ERBIN: variants seen among roughly 807,000 people sequenced by gnomAD.
ERBIN encodes erbb2 interacting protein.
A neutral mutation model predicts 158.4 loss-of-function variants in ERBIN; 60 were observed. That is an observed-to-expected ratio of 0.38 (90% confidence interval 0.31 to 0.47). ERBIN has a LOEUF of 0.47. ERBIN is among the 20% of genes least tolerant of loss of function. The probability of loss-of-function intolerance (pLI) is 0.99; values close to 1 mark genes in which losing one functional copy is unlikely to be tolerated. For missense variants in ERBIN, 1,610 were observed against 1,648.0 expected, an observed-to-expected ratio of 0.98 and a Z score of 0.40; for synonymous variants, 594 against 557.2, an observed-to-expected ratio of 1.07 and a Z score of -0.93.
Position 66,048,605 on chromosome 5 carries a change from A to ATATT in ERBIN, c.1789-51_1789-48dup, listed in dbSNP as rs908386955. ...TTTCCCTTTAAAGTCTTATGACTTAATATTTATTTATTTAAAGAAACAAAA... is the reference window on the plus strand; with the variant it reads ...TTTCCCTTTAAAGTCTTATGACTTAATATTTATTTATTTATTTAAAGAAACAAAA... On this transcript the variant is annotated intron_variant, in intron 18 of 25. Transcript: ENST00000284037. The ATATT allele has an allele frequency of 9.6e-5, 84 of 877,270 alleles. No individual in the cohort carries two copies. In the African/African-American group the frequency reaches 1.4e-3, roughly 14 times the overall value. The allele number at this position is 877,270 out of a possible 1,614,324, so 54.3% of individuals were successfully genotyped here.
chr5:66,042,979 T>C (rs540414079), intron 15 of ERBIN, 98 bp from the exon 16 acceptor site: 24 of 893,496 alleles, frequency 2.7e-5, no homozygotes, highest in East Asian at 7.5e-5. Flanking sequence ...TTTAGACTTA[T>C]TGTAGTGAAC....
intron 16 of ERBIN, among the ~76,000 whole-genome samples, chr5:66,043,608 T>G (rs1486240577): frequency 6.6e-6 from 1 of 152,178 alleles, no homozygotes; most frequent in East Asian, 1.9e-4. Context: ...CTCTTTGTTA[T>G]GAACATTTTG....
At position 65,994,727 on chromosome 5, in the gene ERBIN, T is replaced by A; in HGVS notation, c.190-20T>A. ...TAAAGATGTATATAATTGACATTCTTTCCTCCCTTTTTTCAATAGCAACTT... is the reference window on the plus strand; with the variant it reads ...TAAAGATGTATATAATTGACATTCTATCCTCCCTTTTTTCAATAGCAACTT... On this transcript the variant is annotated intron_variant, in intron 3 of 25. Transcript: ENST00000284037. 2 of 1,341,976 alleles carry A rather than the reference T, an allele frequency of 1.5e-6. No individual in the cohort carries two copies. The highest frequency in any genetic ancestry group is 2.1e-6 in the Non-Finnish European group (2 of 951,542). The allele number at this position is 1,341,976 out of a possible 1,614,324, so 83.1% of individuals were successfully genotyped here. A position where few individuals can be genotyped will look rare whatever the true frequency, so the allele number is the denominator to read the frequency against.
intron 7 of ERBIN, among the ~76,000 whole-genome samples, chr5:66,020,571 A>G (rs1475392154): frequency 6.6e-6 from 1 of 152,012 alleles, no homozygotes; most frequent in Non-Finnish European, 1.5e-5. Flanking sequence ...TGTTGTACAA[A>G]AATAGCCACT....
In ERBIN at chr5:66,054,423, T is replaced by A. The variant is rs769782400; in HGVS notation, c.3105T>A (p.Asn1035Lys). The A allele has an allele frequency of 1.2e-6, 2 of 1,614,038 alleles. No individual in the cohort carries two copies. Among genetic ancestry groups the A allele is most frequent in the African/African-American group, 2.7e-5 (2 of 74,920 alleles). The change falls in exon 21 of 26, where the codon AAT becomes AAA. Residue 1035 changes from asparagine to lysine, a missense_variant. This residue lies in a region of ERBIN where 1,014 missense variants were observed against 936.1 expected (regional missense o/e 1.08). Coordinates refer to ENST00000284037, the MANE Select transcript of ERBIN (RefSeq NM_001253697.2). ...ATATGAATTTCTCTAATCATAACAA[T>A]GTTCGAGCTAATACTGCATACCATT... Reference protein sequence around the residue: ...SANMNFSNHNNVRANTAYHLH... With the variant: ...SANMNFSNHNKVRANTAYHLH...
At chr5:66,021,600 C>T (rs1755694662) in intron 8 of ERBIN, among the ~76,000 whole-genome samples, 1 of 151,618 alleles carries the variant, frequency 6.6e-6, no homozygotes, top group Admixed American at 6.6e-5. Flanking sequence ...AATGTAAAAT[C>T]AATGAGAGGT....
At chr5:65,940,399 T>C (rs1188378447) in intron 1 of ERBIN, among the ~76,000 whole-genome samples, 15 of 122,208 alleles carry the variant, frequency 1.2e-4, no homozygotes, top group South Asian at 2.8e-4. Flanking sequence ...GGCAGCCACC[T>C]CGTCCGGGAG....
At chr5:66,022,086 T>C (rs892204338) in intron 8 of ERBIN, among the ~76,000 whole-genome samples, 5 of 152,094 alleles carry the variant, frequency 3.3e-5, no homozygotes, top group African/African-American at 1.2e-4. Flanking sequence ...GTTTTAAGCC[T>C]AGGAATTTCT....
At chr5:66,022,134 T>C (rs1459164191) in intron 8 of ERBIN, among the ~76,000 whole-genome samples, 1 of 152,128 alleles carries the variant, frequency 6.6e-6, no homozygotes, top group Non-Finnish European at 1.5e-5. Context: ...GTGGGTATTA[T>C]ATTAATATTA....
intron 21 of ERBIN, chr5:66,068,973 G>A: frequency 6.5e-7 from 1 of 1,535,602 alleles, no homozygotes; most frequent in Middle Eastern, 1.7e-4. Flanking sequence ...GGGCAGTCTT[G>A]CCTTGAGTGT....
intron 12 of ERBIN, 49 bp from the exon 13 acceptor site, chr5:66,026,253 C>A (rs778560275): frequency 1.6e-5 from 19 of 1,218,642 alleles, no homozygotes; most frequent in Non-Finnish European, 3.4e-6. Flanking sequence ...ATATGTTGAT[C>A]AACCTGTAGG....
rs1254849527 is a variant in ERBIN, at chr5:66,076,911, G to A, written c.4093G>A (p.Ala1365Thr). 1 of 1,609,448 alleles carries A rather than the reference G, an allele frequency of 6.2e-7. No homozygotes were observed. The highest frequency in any genetic ancestry group is 1.1e-5 in the South Asian group (1 of 90,162). ...AACAAGGGTACAACCTGAAGGACCAGCATCAAAATTACTGCAGCCAGGTGA... is the reference window on the plus strand; with the variant it reads ...AACAAGGGTACAACCTGAAGGACCAACATCAAAATTACTGCAGCCAGGTGA... The part of the protein sequence containing the change: ...FVTRVQPEGP[A>T]SKLLQPGDKI... The change falls in exon 25 of 26, where the codon GCA (alanine) becomes ACA (threonine). Residue 1365 changes from alanine (A) to threonine (T), a missense_variant. Around this residue, in one of 2 missense-constraint regions of ERBIN, gnomAD observed 1,014 missense variants for 936.1 expected, o/e 1.08. Coordinates refer to ENST00000284037, the MANE Select transcript of ERBIN (RefSeq NM_001253697.2).
chr5:66,049,771 C>G (rs556666052), intron 19 of ERBIN, among the ~76,000 whole-genome samples: 3 of 151,846 alleles, frequency 2.0e-5, no homozygotes. Flanking sequence ...TGTGATTTGG[C>G]TAGAATTCAG....
chr5:65,985,374 G>A (rs1022283858), intron 1 of ERBIN, among the ~76,000 whole-genome samples: 2 of 152,238 alleles, frequency 1.3e-5, no homozygotes, highest in African/African-American at 4.8e-5. Context: ...ACAGGCGTGA[G>A]CCACCACGCC....
intron 1 of ERBIN, among the ~76,000 whole-genome samples, chr5:65,952,155 T>G (rs1746579315): frequency 1.3e-5 from 2 of 152,166 alleles, no homozygotes; most frequent in South Asian, 4.1e-4. Flanking sequence ...TACTCTTATT[T>G]TTATATCTGT....
At chr5:65,970,176 G>C (rs750327044) in intron 1 of ERBIN, among the ~76,000 whole-genome samples, 2 of 152,124 alleles carry the variant, frequency 1.3e-5, no homozygotes, top group African/African-American at 2.4e-5. Context: ...AGCAGTGAAA[G>C]AGATGGTATA....
chr5:66,081,179 A>G lies in ERBIN; in HGVS notation c.*2649A>G, dbSNP rs777246429. 4 of 151,978 alleles carry G rather than the reference A, an allele frequency of 2.6e-5. No individual in the cohort carries two copies. The highest frequency in any genetic ancestry group is 4.4e-5 in the Non-Finnish European group (3 of 67,866). The allele number at this position is 151,978 out of a possible 1,614,324, so 9.4% of individuals were successfully genotyped here. ...TTAAGAGTAATTTCTTACTCTAACC[A>G]GTAAAAAAATAATACTGATCAGAGT... On this transcript the variant is annotated 3_prime_UTR_variant, in exon 26 of 26. Coordinates refer to ENST00000284037, the MANE Select transcript of ERBIN (RefSeq NM_001253697.2).
rs763900548 is a variant in ERBIN at position 66,025,545 on chromosome 5, A to G, written c.883A>G (p.Ile295Val). The change falls in exon 11 of 26, where the codon ATA becomes GTA. Residue 295 changes from isoleucine (I) to valine (V), a missense_variant. Ile to Val is a conservative substitution (Grantham distance 29). This residue lies in a region of ERBIN where 596 missense variants were observed against 711.9 expected (regional missense o/e 0.84). Transcript: ENST00000284037. The part of the protein sequence containing the change: ...ENQLMYLPDS[I>V]GGLISVEELD... ...CCAGTTAATGTATCTGCCAGACTCT[A>G]TAGGAGGGTAAGTTTTTTGTGAATG... The G allele has an allele frequency of 5.6e-6, 9 of 1,611,052 alleles. No individual in the cohort carries two copies. In the South Asian group the frequency reaches 9.9e-5, roughly 18 times the overall value.
chr5:66,045,049 T>C (rs1758291954), intron 17 of ERBIN, among the ~76,000 whole-genome samples: 1 of 151,850 alleles, frequency 6.6e-6, no homozygotes, highest in Non-Finnish European at 1.5e-5. Flanking sequence ...ACAACCTGTC[T>C]CTACAAAAAA....
Sources: gnomAD v4.1 joint callset for allele counts (sites outside exome capture counted in the v4.1 genomes callset) on GRCh38, gnomAD v4.1.1 for gene constraint, gnomAD v4.1.1 regional missense constraint, MANE v1.5 for transcripts, NCBI Gene and HGNC (gene_info 2026-07-23, HGNC 2026-07-21) for gene names.